Variants in SIPA1L1 observed in about 807,000 individuals in gnomAD.
SIPA1L1 encodes signal induced proliferation associated 1 like 1, also known as signal-induced proliferation-associated 1-like protein 1.
Under a neutral mutation model 162.7 loss-of-function variants are expected in SIPA1L1, and 26 were observed. That is an observed-to-expected ratio of 0.16 (90% CI 0.12 to 0.22). The LOEUF is 0.22. Ranked by LOEUF, SIPA1L1 falls within the 10% of genes least tolerant of loss-of-function variation. The pLI is 1.00. For missense variants in SIPA1L1, 1,874 were observed against 2,241.0 expected, an observed-to-expected ratio of 0.84 and a Z score of 3.31; for synonymous variants, 829 against 837.4, an observed-to-expected ratio of 0.99 and a Z score of 0.17.
intron 2 of SIPA1L1, among the ~76,000 whole-genome samples, chr14:71,486,627 A>G (rs2048780797): frequency 6.6e-6 from 1 of 152,220 alleles, no homozygotes; most frequent in Non-Finnish European, 1.5e-5. Context: ...GCCATCAAAT[A>G]CAACTTTTAT....
chr14:71,580,450 G>C (rs779384068), intron 4 of SIPA1L1, among the ~76,000 whole-genome samples: 1 of 152,212 alleles, frequency 6.6e-6, no homozygotes, highest in African/African-American at 2.4e-5. Context: ...GGTGAAGGCT[G>C]CTGGGCACAA....
At chr14:71,609,918 A>G (rs1041791816) in intron 5 of SIPA1L1, among the ~76,000 whole-genome samples, 2 of 149,872 alleles carry the variant, frequency 1.3e-5, no homozygotes, top group Non-Finnish European at 3.0e-5. Flanking sequence ...TTTAAAGTGC[A>G]TGGAGTAAAA....
intron 2 of SIPA1L1, among the ~76,000 whole-genome samples, chr14:71,460,351 G>A (rs1462012630): frequency 6.6e-6 from 1 of 152,184 alleles, no homozygotes; most frequent in Admixed American, 6.5e-5. Flanking sequence ...AGTCCTGTCT[G>A]GATTGGGCGT....
At chr14:71,702,767 G>A (rs576204445) in intron 15 of SIPA1L1, among the ~76,000 whole-genome samples, 1 of 152,300 alleles carries the variant, frequency 6.6e-6, no homozygotes, top group South Asian at 2.1e-4. Context: ...CAGACTACCA[G>A]ACTAAGTACC....
At chr14:71,427,648 C>G (rs897964137) in intron 2 of SIPA1L1, among the ~76,000 whole-genome samples, 2 of 152,110 alleles carry the variant, frequency 1.3e-5, no homozygotes, top group South Asian at 4.1e-4. Context: ...TTTCATTGTC[C>G]TCTCTTCAGG....
At chr14:71,635,381 AT>A (rs2041032641) in intron 7 of SIPA1L1, among the ~76,000 whole-genome samples, 1 of 152,216 alleles carries the variant, frequency 6.6e-6, no homozygotes, top group Non-Finnish European at 1.5e-5. Context: ...TTTCTAAATT[AT>A]TTTGCCATTT....
intron 13 of SIPA1L1, among the ~76,000 whole-genome samples, chr14:71,688,658 C>G (rs1037993908): frequency 1.3e-5 from 2 of 152,186 alleles, no homozygotes; most frequent in Non-Finnish European, 2.9e-5. Flanking sequence ...CCTCATCCAT[C>G]TGACTCTCCC....
chr14:71,703,377 A>T (rs182090608), intron 15 of SIPA1L1, among the ~76,000 whole-genome samples: 18 of 152,328 alleles, frequency 1.2e-4, no homozygotes, highest in African/African-American at 4.3e-4. Flanking sequence ...TCCTGTTTTA[A>T]TGACTTTGCC....
intron 2 of SIPA1L1, among the ~76,000 whole-genome samples, chr14:71,335,988 A>G (rs1315119859): frequency 6.6e-6 from 1 of 152,202 alleles, no homozygotes; most frequent in Non-Finnish European, 1.5e-5. Context: ...AAGGGGATCT[A>G]TATGTTTAAA....
At chr14:71,343,716 G>T (rs1290587805) in intron 2 of SIPA1L1, among the ~76,000 whole-genome samples, 1 of 152,174 alleles carries the variant, frequency 6.6e-6, no homozygotes, top group African/African-American at 2.4e-5. Flanking sequence ...AGGAAAAAAA[G>T]GCCCCCAGAA....
intron 7 of SIPA1L1, among the ~76,000 whole-genome samples, chr14:71,646,520 A>G (rs2042185048): frequency 6.6e-6 from 1 of 152,138 alleles, no homozygotes; most frequent in South Asian, 2.1e-4. Flanking sequence ...AGGAAGAGCA[A>G]ATTTATGTAC....
chr14:71,680,505 A>G (rs1180966648), intron 12 of SIPA1L1, among the ~76,000 whole-genome samples: 1 of 152,216 alleles, frequency 6.6e-6, no homozygotes, highest in Non-Finnish European at 1.5e-5. Context: ...ACACCCTAAC[A>G]TCACAATCAG....
chr14:71,705,629 G>C (rs2082382666), intron 16 of SIPA1L1, among the ~76,000 whole-genome samples: 1 of 151,972 alleles, frequency 6.6e-6, no homozygotes. Flanking sequence ...GTTAGAAGTT[G>C]ATTTTATTTG....
chr14:71,684,050 G>A (rs1473634667), intron 12 of SIPA1L1, among the ~76,000 whole-genome samples: 1 of 152,150 alleles, frequency 6.6e-6, no homozygotes, highest in East Asian at 1.9e-4. Flanking sequence ...TTGGGCGGAG[G>A]GTCAGATTAA....
Position 71,589,103 on chromosome 14 carries a change from G to A in SIPA1L1, c.1231G>A (p.Val411Ile). ...GGGAGATGATAAAAGCAATGAGCTT[G>A]TAATGAGCTGTCCATATTTTCGGAA... ...DQGDDKSNELVMSCPYFRNEI... is the reference protein window; with the variant it reads ...DQGDDKSNELIMSCPYFRNEI... The change falls in exon 5 of 24, where the codon GTA becomes ATA. Residue 411 changes from valine (V) to isoleucine (I), a missense_variant. Coordinates refer to ENST00000381232, the MANE Select transcript of SIPA1L1 (RefSeq NM_001386936.1). 6.2e-7 allele frequency: 1 copy of A among 1,614,138 alleles called. No homozygotes were observed. The highest frequency in any genetic ancestry group is 8.5e-7 in the Non-Finnish European group (1 of 1,179,986).
chr14:71,409,631 A>G (rs1466014233), intron 2 of SIPA1L1, among the ~76,000 whole-genome samples: 1 of 152,202 alleles, frequency 6.6e-6, no homozygotes, highest in East Asian at 1.9e-4. Flanking sequence ...TGTAAAGTAG[A>G]TGACTATATA....
intron 7 of SIPA1L1, among the ~76,000 whole-genome samples, chr14:71,629,397 G>A (rs1477530890): frequency 6.6e-6 from 1 of 152,192 alleles, no homozygotes; most frequent in African/African-American, 2.4e-5. Context: ...ATTAGAGTCT[G>A]TGCAGGCTGG....
chr14:71,449,536 A>C (rs990069882), intron 2 of SIPA1L1, among the ~76,000 whole-genome samples: 2 of 152,194 alleles, frequency 1.3e-5, no homozygotes, highest in Non-Finnish European at 2.9e-5. Flanking sequence ...GGATGCCTCT[A>C]GGTCCTTATT....
chr14:71,533,899 C>T (rs1225005506), intron 4 of SIPA1L1, among the ~76,000 whole-genome samples: 2 of 151,146 alleles, frequency 1.3e-5, no homozygotes. Context: ...ATATAAATTA[C>T]AAAAACCTTC....
Sources: gnomAD v4.1 joint callset for allele counts (sites outside exome capture counted in the v4.1 genomes callset) on GRCh38, gnomAD v4.1.1 for gene constraint, MANE v1.5 for transcripts, NCBI Gene and HGNC (gene_info 2026-07-23, HGNC 2026-07-21) for gene names.